The following SOX5 variants were observed in gnomAD, a reference collection of about 807,000 sequenced individuals.
The protein encoded by SOX5 is SRY-box transcription factor 5.
In SOX5, 9 loss-of-function variants were observed where a neutral mutation model predicts 92.0. The observed-to-expected ratio is 0.10, with a 90% confidence interval of 0.06 to 0.17. The LOEUF (loss-of-function observed/expected upper bound fraction) is 0.17. Among genes scored for constraint, SOX5 ranks in the 10% least tolerant of loss-of-function variants. SOX5 has a pLI of 1.00. For missense variants in SOX5, 642 were observed against 944.5 expected, an observed-to-expected ratio of 0.68 and a Z score of 4.20; for synonymous variants, 344 against 336.3, an observed-to-expected ratio of 1.02 and a Z score of -0.25.
At chr12:23,816,827 G>A (rs10771033) in intron 3 of SOX5, among the ~76,000 whole-genome samples, 45,394 of 151,962 alleles carry the variant, frequency 0.3, 7,335 homozygotes, top group East Asian at 0.61. Context: ...GTCTCTGGGA[G>A]ACCCAATAAA....
chr12:24,234,202 A>G (rs1210908048), intron 3 of SOX5, among the ~76,000 whole-genome samples: 1 of 152,212 alleles, frequency 6.6e-6, no homozygotes, highest in Non-Finnish European at 1.5e-5. Flanking sequence ...GAGAAGGCAA[A>G]TATTTTGCAA....
At chr12:23,730,039 G>T (rs975462121) in intron 6 of SOX5, among the ~76,000 whole-genome samples, 1 of 152,150 alleles carries the variant, frequency 6.6e-6, no homozygotes, top group Non-Finnish European at 1.5e-5. Context: ...AAGTCACTCA[G>T]TCACTTCCTG....
chr12:23,777,968 C>G (rs368280686), intron 3 of SOX5, among the ~76,000 whole-genome samples: 1 of 152,116 alleles, frequency 6.6e-6, no homozygotes, highest in Non-Finnish European at 1.5e-5. Context: ...AAGATACATA[C>G]TTTTCATAAA....
At chr12:23,813,026 C>T (rs938353152) in intron 3 of SOX5, among the ~76,000 whole-genome samples, 1 of 152,166 alleles carries the variant, frequency 6.6e-6, no homozygotes, top group Admixed American at 6.5e-5. Flanking sequence ...AAAAATCACA[C>T]ATTTTCAGAA....
intron 2 of SOX5, among the ~76,000 whole-genome samples, chr12:23,860,961 A>AC (rs1555390612): frequency 1.5e-5 from 1 of 68,076 alleles, no homozygotes; most frequent in African/African-American, 3.9e-5. Context: ...GTAAAAAAAA[A>AC]AAAAAAAAAA....
chr12:24,449,521 G>C (rs1941965890), intron 1 of SOX5, among the ~76,000 whole-genome samples: 1 of 152,164 alleles, frequency 6.6e-6, no homozygotes, highest in African/African-American at 2.4e-5. Flanking sequence ...ACCGCTCGTT[G>C]ACATTTTCAT....
chr12:23,792,421 G>C (rs949510270), intron 3 of SOX5, among the ~76,000 whole-genome samples: 5 of 151,516 alleles, frequency 3.3e-5, no homozygotes, highest in African/African-American at 1.2e-4. Context: ...TCAGAAGTTC[G>C]AGACCAGCGT....
intron 6 of SOX5, among the ~76,000 whole-genome samples, chr12:23,675,713 A>T (rs1304293453): frequency 2.6e-5 from 4 of 152,186 alleles, no homozygotes; most frequent in Non-Finnish European, 4.4e-5. Context: ...CAAACTAAAA[A>T]GTTCTGCACA....
intron 11 of SOX5, among the ~76,000 whole-genome samples, chr12:23,560,113 G>A (rs1221701494): frequency 6.6e-6 from 1 of 152,022 alleles, no homozygotes; most frequent in Non-Finnish European, 1.5e-5. Context: ...GTTTCACCAC[G>A]TTGGCCAGGC....
At chr12:24,093,439 C>G (rs2137814200) in intron 4 of SOX5, among the ~76,000 whole-genome samples, 1 of 151,542 alleles carries the variant, frequency 6.6e-6, no homozygotes, top group East Asian at 2.0e-4. Flanking sequence ...AGGAGAATGG[C>G]GTGAACCCAG....
intron 4 of SOX5, among the ~76,000 whole-genome samples, chr12:24,010,617 G>A (rs925916754): frequency 6.6e-6 from 1 of 152,126 alleles, no homozygotes; most frequent in African/African-American, 2.4e-5. Flanking sequence ...TGCATTTCTT[G>A]GAGAATCTTT....
intron 4 of SOX5, among the ~76,000 whole-genome samples, chr12:24,105,575 C>A (rs926644623): frequency 2.0e-5 from 3 of 152,074 alleles, no homozygotes; most frequent in Non-Finnish European, 2.9e-5. Context: ...AACAAACAAA[C>A]CCATTTTGCT....
At chr12:24,522,424 G>A (rs1018271023) in intron 1 of SOX5, among the ~76,000 whole-genome samples, 1 of 151,872 alleles carries the variant, frequency 6.6e-6, no homozygotes, top group Admixed American at 6.6e-5. Flanking sequence ...ATTTCATAAG[G>A]CCAGCATTAC....
intron 4 of SOX5, among the ~76,000 whole-genome samples, chr12:24,185,276 C>T (rs1441221793): frequency 6.6e-6 from 1 of 152,050 alleles, no homozygotes; most frequent in Non-Finnish European, 1.5e-5. Context: ...TCCCATTGCT[C>T]CTAGAATAGA....
intron 4 of SOX5, among the ~76,000 whole-genome samples, chr12:24,111,652 T>C (rs1369716548): frequency 1.3e-5 from 2 of 152,272 alleles, no homozygotes; most frequent in East Asian, 1.9e-4. Context: ...ATGTTCCTTA[T>C]GTATGAATCA....
intron 9 of SOX5, among the ~76,000 whole-genome samples, chr12:23,598,702 C>T (rs552996855): frequency 2.0e-5 from 3 of 151,994 alleles, no homozygotes; most frequent in Non-Finnish European, 4.4e-5. Flanking sequence ...CCCGGCCACT[C>T]TTGTGCTATA....
At chr12:23,564,262 A>G (rs1054775827) in intron 10 of SOX5, among the ~76,000 whole-genome samples, 3 of 152,216 alleles carry the variant, frequency 2.0e-5, no homozygotes, top group Non-Finnish European at 4.4e-5. Flanking sequence ...TATTTATTTG[A>G]TGCATATTAG....
At chr12:23,621,610 G>C (rs2077191648) in intron 8 of SOX5, among the ~76,000 whole-genome samples, 1 of 152,022 alleles carries the variant, frequency 6.6e-6, no homozygotes, top group East Asian at 1.9e-4. Flanking sequence ...GGTGCAAAGG[G>C]GGGAAGAAAT....
At chr12:24,283,719 G>A (rs1320402514) in intron 2 of SOX5, among the ~76,000 whole-genome samples, 1 of 152,076 alleles carries the variant, frequency 6.6e-6, no homozygotes, top group Non-Finnish European at 1.5e-5. Context: ...CTTCTGTTTT[G>A]TTTCAGTTTT....
Sources: allele counts gnomAD v4.1 joint callset (sites outside exome capture counted in the v4.1 genomes callset), GRCh38; gene constraint gnomAD v4.1.1; transcripts MANE v1.5; gene names NCBI Gene and HGNC (gene_info 2026-07-23, HGNC 2026-07-21).